The following CHEK2 variants were observed in gnomAD, a reference collection of about 807,000 sequenced individuals.
The protein encoded by CHEK2 is checkpoint kinase 2.
Under a neutral mutation model 69.1 loss-of-function variants are expected in CHEK2, and 71 were observed. That is an observed-to-expected ratio of 1.03 (90% CI 0.85 to 1.25). CHEK2 has a LOEUF of 1.25. Ranked by LOEUF, CHEK2 falls within the 50% of genes most tolerant of loss-of-function variation. The probability of loss-of-function intolerance (pLI) is 0.00; values close to 1 mark genes in which losing one functional copy is unlikely to be tolerated. For synonymous variants in CHEK2, 189 were observed against 226.9 expected (o/e 0.83, Z 1.50); for missense variants, 664 against 649.6 (o/e 1.02, Z -0.24).
At chr22:28,726,437 T>C (rs1307145729) in intron 2 of CHEK2, 1 of 147,016 alleles carries the variant, frequency 6.8e-6, no homozygotes, top group African/African-American at 2.5e-5. Flanking sequence ...ATATAATATA[T>C]ATAATTTGTA....
At chr22:28,738,037 A>G (rs1460551793) in intron 1 of CHEK2, 1 of 152,134 alleles carries the variant, frequency 6.6e-6, no homozygotes, top group Non-Finnish European at 1.5e-5. Flanking sequence ...GAAATCCAGT[A>G]TCTACAGAAA....
intron 5 of CHEK2, among the ~76,000 whole-genome samples, chr22:28,715,517 T>A (rs1472357028): frequency 2.0e-5 from 3 of 152,144 alleles, no homozygotes; most frequent in Non-Finnish European, 4.4e-5. Context: ...CCTCCTGGGT[T>A]CAATCGATTC....
chr22:28,734,560 G>A lies in CHEK2; in HGVS notation c.162C>T (p.His54=), dbSNP rs2146149368. The stretch of plus-strand genomic sequence containing the variant: ...AGGAGCTCAGTGTCCCAGAGCTGGA[G>A]TGAGAGGACTGGCTGGAGTTTGGCA... ...STMPNSSQSS[H]SSSGTLSSLE... The change falls in exon 2 of 15, where the codon CAC becomes CAT. Residue 54 remains histidine (H), a synonymous_variant. Transcript: ENST00000404276. 1 of 1,613,996 alleles carries A rather than the reference G, an allele frequency of 6.2e-7. No homozygotes were observed. Among genetic ancestry groups the A allele is most frequent in the Non-Finnish European group, 8.5e-7 (1 of 1,180,016 alleles).
intron 9 of CHEK2, among the ~76,000 whole-genome samples, chr22:28,697,510 A>G (rs970160560): frequency 4.6e-5 from 7 of 152,050 alleles, no homozygotes; most frequent in African/African-American, 1.7e-4. Context: ...ATTGTCTGAA[A>G]TAGCATATAA....
chr22:28,703,576 G>C lies in CHEK2; in HGVS notation c.847-10C>G, dbSNP rs745745105. On this transcript the variant is annotated splice_polypyrimidine_tract_variant and intron_variant, in intron 7 of 14. Coordinates refer to ENST00000404276, the MANE Select transcript of CHEK2 (RefSeq NM_007194.4). Reference sequence around the variant, plus strand: ...TCTTGATGATGCAAGGCTAAGAAGAGGGGGAGAAAAAAGGGAAAGTAGTGA... The same window carrying C: ...TCTTGATGATGCAAGGCTAAGAAGACGGGGAGAAAAAAGGGAAAGTAGTGA... 4.9e-5 allele frequency: 75 copies of C among 1,542,996 alleles called. No homozygotes were observed. The Admixed American group carries it at 1.3e-3, about 27-fold the overall frequency.
intron 2 of CHEK2, chr22:28,730,467 G>A (rs1210056852): frequency 1.4e-6 from 1 of 699,198 alleles, no homozygotes; most frequent in African/African-American, 1.7e-5. Context: ...TCTTATCCCA[G>A]CACTTTGGGA....
chr22:28,740,454 T>C (rs766635542), intron 1 of CHEK2, among the ~76,000 whole-genome samples: 7 of 152,236 alleles, frequency 4.6e-5, no homozygotes, highest in Admixed American at 1.3e-4. Context: ...TTTGTCCACA[T>C]TGCTCTCCTT....
chr22:28,693,273 T>G (rs2052434135), intron 13 of CHEK2, among the ~76,000 whole-genome samples: 1 of 152,128 alleles, frequency 6.6e-6, no homozygotes, highest in South Asian at 2.1e-4. Context: ...GGTCAGCATT[T>G]AAAAATGGCA....
At chr22:28,699,990 G>T in intron 8 of CHEK2, 53 bp from the exon 9 acceptor site, 1 of 1,191,544 alleles carries the variant, frequency 8.4e-7, no homozygotes, top group Non-Finnish European at 1.2e-6. Context: ...AACGCACTTG[G>T]ACAGAAGACA....
At position 28,711,922 on chromosome 22, in the gene CHEK2, G is replaced by A; in HGVS notation, c.779C>T (p.Ser260Leu). 1 of 1,612,482 alleles carries A rather than the reference G, an allele frequency of 6.2e-7. No individual in the cohort carries two copies. Among genetic ancestry groups the A allele is most frequent in the Non-Finnish European group, 8.5e-7 (1 of 1,178,808 alleles). Residue 260 changes from serine (S) to leucine (L), a missense_variant, in exon 6 of 15, where the codon TCA becomes TTA. Ser to Leu is a moderately radical substitution (Grantham distance 145). Transcript: ENST00000404276. The stretch of plus-strand genomic sequence containing the variant: ...ATTGGTACTTACTGCCTCTCTTGCT[G>A]AACCAATAGCAAACTTCCTTTTGCT... ...IISKRKFAIG[S>L]AREADPALNV... is the part of the protein sequence containing the mutation.
At chr22:28,710,653 T>C (rs780011350) in intron 6 of CHEK2, among the ~76,000 whole-genome samples, 1 of 152,170 alleles carries the variant, frequency 6.6e-6, no homozygotes, top group Non-Finnish European at 1.5e-5. Flanking sequence ...TCTGTTACAA[T>C]TCCAAAAGGA....
chr22:28,740,127 G>C (rs2054514734), intron 1 of CHEK2, among the ~76,000 whole-genome samples: 2 of 152,132 alleles, frequency 1.3e-5, no homozygotes, highest in African/African-American at 4.8e-5. Flanking sequence ...CTTGAACCAG[G>C]GAGTCGGAGG....
rs1392940377 is a variant in CHEK2, at chr22:28,711,973, CAT to C, written c.726_727del (p.Cys243Ter). The stretch of plus-strand genomic sequence containing the variant: ...GATGATCTTTATGGCTACTTTCTTA[CAT>C]GTTTTCCTCTCGAAAGCCAGCTTTA... On this transcript the variant is annotated frameshift_variant, in exon 6 of 15. Transcript: ENST00000404276. LOFTEE classifies it high-confidence loss of function. 1 of 1,614,006 alleles carries C rather than the reference CAT, an allele frequency of 6.2e-7. No homozygotes were observed.
intron 13 of CHEK2, among the ~76,000 whole-genome samples, chr22:28,691,375 A>AG (rs2052356609): frequency 6.6e-6 from 1 of 152,222 alleles, no homozygotes; most frequent in South Asian, 2.1e-4. Flanking sequence ...GCCACTTGGG[A>AG]GGCTGATGCA....
chr22:28,702,785 G>A (rs2052938038), intron 8 of CHEK2, among the ~76,000 whole-genome samples: 1 of 152,006 alleles, frequency 6.6e-6, no homozygotes, highest in Non-Finnish European at 1.5e-5. Flanking sequence ...GACCTCAGGT[G>A]ATCCACCCAC....
At chr22:28,707,932 G>A (rs1199119528) in intron 7 of CHEK2, among the ~76,000 whole-genome samples, 1 of 150,814 alleles carries the variant, frequency 6.6e-6, no homozygotes, top group Non-Finnish European at 1.5e-5. Flanking sequence ...CGCCTCCCGG[G>A]TTCACGCCAT....
At position 28,703,766 on chromosome 22, in the gene CHEK2, T is replaced by TTC. The variant is rs1569128796; in HGVS notation, c.847-202_847-201dup. On this transcript the variant is annotated intron_variant, in intron 7 of 14. Coordinates refer to ENST00000404276, the MANE Select transcript of CHEK2 (RefSeq NM_007194.4). The stretch of plus-strand genomic sequence containing the variant: ...CCTCAGTGAGAACATGCAAGAAATT[T>TTC]TCCACCCCACCATGATGGTGAGAGA... 2.6e-5 allele frequency among the ~76,000 whole-genome samples: 4 copies of TTC among 151,848 alleles called. No homozygotes were observed. The East Asian group carries it at 7.7e-4, about 29-fold the overall frequency.
Position 28,687,948 on chromosome 22 carries a change from G to T in CHEK2, c.1581C>A (p.Ala527=), listed in dbSNP as rs781593101. The part of the protein sequence containing the change: ...TSRKRPREGE[A]EGAETTKRPA... ...GGCGCTTTGTGGTCTCGGCACCCTC[G>T]GCTTCCCCTTCACGGGGCCGCTTTC... Residue 527 remains alanine (A), a synonymous_variant, in exon 15 of 15, where the codon GCC becomes GCA. Coordinates refer to ENST00000404276, the MANE Select transcript of CHEK2 (RefSeq NM_007194.4). The T allele has an allele frequency of 6.3e-7, 1 of 1,596,336 alleles. No individual in the cohort carries two copies. Among genetic ancestry groups the T allele is most frequent in the Non-Finnish European group, 8.5e-7 (1 of 1,179,728 alleles).
chr22:28,693,814 G>C (rs375969024), intron 13 of CHEK2, among the ~76,000 whole-genome samples: 1 of 151,946 alleles, frequency 6.6e-6, no homozygotes, highest in Non-Finnish European at 1.5e-5. Context: ...AGCTGAGATC[G>C]TGCCACTGCA....
Sources: gnomAD v4.1 joint callset for allele counts (sites outside exome capture counted in the v4.1 genomes callset) on GRCh38, gnomAD v4.1.1 for gene constraint, MANE v1.5 for transcripts, NCBI Gene and HGNC (gene_info 2026-07-23, HGNC 2026-07-21) for gene names.